Variants in SGSM1 observed in about 807,000 individuals in gnomAD.
SGSM1 encodes RUN and TBC1 domain containing 2.
SGSM1 carries 73 observed loss-of-function variants against 133.8 expected under a neutral mutation model. That is an observed-to-expected ratio of 0.55 (90% CI 0.45 to 0.66). The LOEUF (loss-of-function observed/expected upper bound fraction) is 0.66. SGSM1 is among the 30% of genes least tolerant of loss of function. SGSM1 has a pLI of 0.00. For synonymous variants in SGSM1, 563 were observed against 573.0 expected, an observed-to-expected ratio of 0.98 and a Z score of 0.25; for missense variants, 1,213 against 1,448.1, an observed-to-expected ratio of 0.84 and a Z score of 2.64.
intron 2 of SGSM1, among the ~76,000 whole-genome samples, chr22:24,819,472 C>G (rs765919465): frequency 6.6e-6 from 1 of 152,114 alleles, no homozygotes; most frequent in Non-Finnish European, 1.5e-5. Context: ...CAAAAGAGAG[C>G]AAACCCAAGA....
intron 13 of SGSM1, among the ~76,000 whole-genome samples, chr22:24,878,330 A>G (rs371629058): frequency 1.3e-5 from 2 of 152,198 alleles, no homozygotes; most frequent in South Asian, 4.1e-4. Flanking sequence ...GCATCTGCTT[A>G]CACACTTGGA....
At chr22:24,822,594 A>C (rs2147796614) in intron 2 of SGSM1, among the ~76,000 whole-genome samples, 1 of 152,304 alleles carries the variant, frequency 6.6e-6, no homozygotes, top group Non-Finnish European at 1.5e-5. Context: ...TGGAGCAGAG[A>C]GGGAGCCAGG....
chr22:24,917,849 ACAGAGGCAG>A (rs570580037), intron 23 of SGSM1, 95 bp downstream of exon 23: 41 of 976,362 alleles, frequency 4.2e-5, no homozygotes, highest in Admixed American at 9.1e-5. Flanking sequence ...GGGGTTGGCA[ACAGAGGCAG>A]CAGAGGAGAG....
At position 24,845,940 on chromosome 22, in the gene SGSM1, CTTTTCTTTCTTT is replaced by C. The variant is rs1308236278; in HGVS notation, c.139+969_139+980del. Among the ~76,000 whole-genome samples, 131 of 130,806 alleles carry C rather than the reference CTTTTCTTTCTTT, an allele frequency of 1.0e-3. 1 individual carries two copies. The highest frequency in any genetic ancestry group is 2.0e-3 in the African/African-American group (66 of 33,796). The allele number at this position is 130,806 out of a possible 152,430, so 85.8% of individuals were successfully genotyped here. A position where few individuals can be genotyped will look rare whatever the true frequency, so the allele number is the denominator to read the frequency against. ...TTGGGCAAGATCTTTCTTTTCTTTTCTTTTCTTTCTTTCTTTCTTTCTTTCTTTCTTTCTTTC... is the reference window on the plus strand; with the variant it reads ...TTGGGCAAGATCTTTCTTTTCTTTTCCTTTCTTTCTTTCTTTCTTTCTTTC... On this transcript the variant is annotated intron_variant, in intron 3 of 24. Coordinates refer to ENST00000400358, the MANE Select transcript of SGSM1 (RefSeq NM_001098497.3).
intron 14 of SGSM1, among the ~76,000 whole-genome samples, chr22:24,882,339 G>A (rs1432649942): frequency 6.6e-6 from 1 of 151,976 alleles, no homozygotes; most frequent in African/African-American, 2.4e-5. Flanking sequence ...CAAAGTGCAG[G>A]GACTACAGGC....
chr22:24,867,496 C>T (rs576964053), intron 10 of SGSM1, among the ~76,000 whole-genome samples: 4 of 152,184 alleles, frequency 2.6e-5, no homozygotes, highest in African/African-American at 4.8e-5. Flanking sequence ...CTCACATGCC[C>T]GTTATTCAGT....
At chr22:24,856,170 T>C (rs2147854503) in intron 8 of SGSM1, 2 of 343,174 alleles carry the variant, frequency 5.8e-6, no homozygotes, top group Middle Eastern at 3.9e-4. Flanking sequence ...AACATTTCCA[T>C]GGACCTGCTA....
At chr22:24,916,507 A>T (rs1037805433) in intron 22 of SGSM1, among the ~76,000 whole-genome samples, 3 of 152,160 alleles carry the variant, frequency 2.0e-5, no homozygotes, top group African/African-American at 7.2e-5. Context: ...AGCCTGGCCA[A>T]CATGGTGAAA....
chr22:24,912,055 A>T (rs988487773), intron 21 of SGSM1, among the ~76,000 whole-genome samples: 30 of 95,308 alleles, frequency 3.1e-4, no homozygotes, highest in Admixed American at 1.8e-3. Flanking sequence ...ATTCTGTCTT[A>T]AAAAAAAAGG....
chr22:24,839,248 G>T (rs1929651395), intron 2 of SGSM1, among the ~76,000 whole-genome samples: 4 of 152,016 alleles, frequency 2.6e-5, no homozygotes, highest in Admixed American at 2.6e-4. Flanking sequence ...TTTTTTTGTA[G>T]AAGTTGGGTT....
At chr22:24,885,426 A>G (rs567177788) in intron 15 of SGSM1, among the ~76,000 whole-genome samples, 12 of 140,346 alleles carry the variant, frequency 8.6e-5, no homozygotes, top group African/African-American at 3.2e-4. Flanking sequence ...AGCGACACAC[A>G]TTGAGCACCT....
chr22:24,924,087 T>C (rs1204064395), intron 24 of SGSM1, 99 bp from the exon 25 acceptor site: 3 of 1,022,080 alleles, frequency 2.9e-6, no homozygotes, highest in Non-Finnish European at 4.5e-6. Context: ...AGTCAATCTG[T>C]GATGGAGATG....
chr22:24,904,943 A>C (rs965821461), intron 20 of SGSM1, among the ~76,000 whole-genome samples, 162 bp from the exon 21 acceptor site: 6 of 152,096 alleles, frequency 3.9e-5, no homozygotes, highest in African/African-American at 1.4e-4. Context: ...GTGGCTGCAC[A>C]TAGGATGTTT....
At chr22:24,882,020 C>T (rs979764768) in intron 14 of SGSM1, among the ~76,000 whole-genome samples, 2 of 151,886 alleles carry the variant, frequency 1.3e-5, no homozygotes, top group Non-Finnish European at 2.9e-5. Context: ...GGGGGGGGGC[C>T]TTTTTAATCC....
chr22:24,920,491 G>A (rs1602000976), intron 24 of SGSM1, among the ~76,000 whole-genome samples: 2 of 152,084 alleles, frequency 1.3e-5, no homozygotes, highest in Admixed American at 1.3e-4. Flanking sequence ...TCTAGGCCTC[G>A]GATTCTTCAG....
chr22:24,808,282 T>C (rs367653742), intron 2 of SGSM1, among the ~76,000 whole-genome samples: 8 of 152,044 alleles, frequency 5.3e-5, no homozygotes, highest in Admixed American at 1.3e-4. Flanking sequence ...GCTAATTTTT[T>C]ATTTTTTTAT....
intron 2 of SGSM1, among the ~76,000 whole-genome samples, chr22:24,812,485 G>A (rs187551787): frequency 7.9e-4 from 120 of 152,268 alleles, no homozygotes; most frequent in African/African-American, 2.5e-3. Context: ...AGTGGGCAGT[G>A]GTGGGCAGCT....
rs1196148358 is a variant in SGSM1, at chr22:24,856,741, A to G, written c.801+1061A>G. ...CCTATTGCCGCAAATCTAAGAAGCC[A>G]TTAATTTAAGATATACAGTTTCTTT... is the stretch of plus-strand genomic sequence containing the variant. On this transcript the variant is annotated intron_variant, in intron 8 of 24. Coordinates refer to ENST00000400358, the MANE Select transcript of SGSM1 (RefSeq NM_001098497.3). Among the ~76,000 whole-genome samples, 8 of 151,472 alleles carry G rather than the reference A, an allele frequency of 5.3e-5. No individual in the cohort carries two copies. In the East Asian group the frequency reaches 1.5e-3, roughly 29 times the overall value.
At position 24,912,648 on chromosome 22, in the gene SGSM1, C is replaced by T. The variant is rs1933670925; in HGVS notation, c.2824C>T (p.Leu942Phe). Residue 942 changes from leucine to phenylalanine, a missense_variant, in exon 22 of 25, where the codon CTT becomes TTT. Transcript: ENST00000400358. The part of the protein sequence containing the change: ...PLLVILDDEA[L>F]AFSCFTELMK... ...GTTCTGTGATGCTTTCTCAGAGGCC[C>T]TTGCCTTCAGCTGCTTCACGGAGCT... The T allele has an allele frequency of 6.2e-7, 1 of 1,611,626 alleles. No individual in the cohort carries two copies. The highest frequency in any genetic ancestry group is 8.5e-7 in the Non-Finnish European group (1 of 1,178,764).
Sources: gnomAD v4.1 joint callset for allele counts (sites outside exome capture counted in the v4.1 genomes callset) on GRCh38, gnomAD v4.1.1 for gene constraint, MANE v1.5 for transcripts, NCBI Gene and HGNC (gene_info 2026-07-23, HGNC 2026-07-21) for gene names.